The following EPHA3 variants were observed in gnomAD, a reference collection of about 807,000 sequenced individuals.
EPHA3 encodes the protein EPH receptor A3.
EPHA3 carries 42 observed loss-of-function variants against 107.1 expected under a neutral mutation model. The ratio of observed to expected loss-of-function variants is 0.39; its 90% confidence interval spans 0.31 to 0.51. The LOEUF (loss-of-function observed/expected upper bound fraction) is 0.51, where lower values mean the gene tolerates loss of function less well. Among genes scored for constraint, EPHA3 ranks in the 20% least tolerant of loss-of-function variants. EPHA3 has a pLI of 0.78. For synonymous variants in EPHA3, 461 were observed against 424.8 expected (o/e 1.09, Z -1.05); for missense variants, 1,183 against 1,211.2 (o/e 0.98, Z 0.35).
intron 13 of EPHA3, among the ~76,000 whole-genome samples, chr3:89,448,450 A>G (rs1709922120): frequency 1.3e-5 from 2 of 152,174 alleles, no homozygotes; most frequent in African/African-American, 4.8e-5. Context: ...TACTTCCTAT[A>G]TGGTTGACAA....
chr3:89,214,259 T>G (rs1704173833), intron 3 of EPHA3, among the ~76,000 whole-genome samples: 1 of 152,010 alleles, frequency 6.6e-6, no homozygotes, highest in Non-Finnish European at 1.5e-5. Context: ...AGCCTTAGTT[T>G]CTTCATCCAC....
intron 13 of EPHA3, among the ~76,000 whole-genome samples, chr3:89,437,146 G>A (rs554720153): frequency 8.8e-4 from 134 of 152,126 alleles, no homozygotes; most frequent in African/African-American, 2.9e-3. Context: ...ATACATGCTC[G>A]GATGACAGAT....
chr3:89,355,652 T>G (rs1372162210), intron 5 of EPHA3, among the ~76,000 whole-genome samples: 1 of 150,816 alleles, frequency 6.6e-6, no homozygotes, highest in African/African-American at 2.4e-5. Context: ...ATTGGTACAG[T>G]AAGTCCTACA....
intron 5 of EPHA3, among the ~76,000 whole-genome samples, chr3:89,390,593 C>T (rs886944096): frequency 8.2e-6 from 1 of 121,472 alleles, no homozygotes; most frequent in Non-Finnish European, 1.8e-5. Flanking sequence ...GAGCGAGACT[C>T]CGTTTCCAAA....
At chr3:89,479,368 G>A (rs750785329) in intron 16 of EPHA3, 29 bp from the exon 17 acceptor site, 28 of 1,581,762 alleles carry the variant, frequency 1.8e-5, no homozygotes, top group African/African-American at 2.7e-5. Context: ...CGAGGAAACC[G>A]ATTCTTATAT....
At position 89,431,373 on chromosome 3, in the gene EPHA3, A is replaced by AT; in HGVS notation, c.2346+18dup. 2 of 1,602,526 alleles carry AT rather than the reference A, an allele frequency of 1.2e-6. No homozygotes were observed. Among genetic ancestry groups the AT allele is most frequent in the Non-Finnish European group, 1.7e-6 (2 of 1,173,030 alleles). On this transcript the variant is annotated intron_variant, in intron 13 of 16. Coordinates refer to ENST00000336596, the MANE Select transcript of EPHA3 (RefSeq NM_005233.6). Reference sequence around the variant, plus strand: ...TATACAACAAGAGTGAGTAACTTAGATTTTCTCCTTTTTTATCATTGTTTT... The same window carrying AT: ...TATACAACAAGAGTGAGTAACTTAGATTTTTCTCCTTTTTTATCATTGTTTT...
At chr3:89,234,998 C>CTCTTT (rs1302100219) in intron 3 of EPHA3, among the ~76,000 whole-genome samples, 1 of 118,850 alleles carries the variant, frequency 8.4e-6, no homozygotes, top group African/African-American at 3.3e-5. Flanking sequence ...TTTCTTTTTT[C>CTCTTT]TCTTTTCTTT....
intron 2 of EPHA3, among the ~76,000 whole-genome samples, chr3:89,129,667 G>C (rs1462593749): frequency 6.7e-6 from 1 of 149,256 alleles, no homozygotes; most frequent in South Asian, 2.1e-4. Context: ...GTAAGTTTAG[G>C]TTTTGGATTT....
chr3:89,266,335 T>C lies in EPHA3; in HGVS notation c.814+55815T>C, dbSNP rs1705537598. On this transcript the variant is annotated intron_variant, in intron 3 of 16. Coordinates refer to ENST00000336596, the MANE Select transcript of EPHA3 (RefSeq NM_005233.6). ...TTCCTTACTCTTAATTACTACACCT[T>C]ACAGCCATCATGTTCATTGGAAACT... Among the ~76,000 whole-genome samples the C allele has an allele frequency of 2.0e-5, 3 of 152,162 alleles. No homozygotes were observed. The South Asian group carries it at 6.2e-4, about 31-fold the overall frequency.
At chr3:89,244,876 T>A (rs1704995252) in intron 3 of EPHA3, among the ~76,000 whole-genome samples, 2 of 152,206 alleles carry the variant, frequency 1.3e-5, no homozygotes, top group Non-Finnish European at 2.9e-5. Flanking sequence ...GTGACACATT[T>A]TCCTATGAAA....
At chr3:89,127,443 A>T (rs1382411539) in intron 2 of EPHA3, among the ~76,000 whole-genome samples, 170 bp downstream of exon 2, 1 of 151,992 alleles carries the variant, frequency 6.6e-6, no homozygotes, top group Non-Finnish European at 1.5e-5. Flanking sequence ...TGTCCAATGG[A>T]GCTAGTGAGA....
At chr3:89,242,174 A>G (rs1704911481) in intron 3 of EPHA3, among the ~76,000 whole-genome samples, 2 of 152,222 alleles carry the variant, frequency 1.3e-5, no homozygotes, top group South Asian at 4.1e-4. Context: ...AAATGATTGT[A>G]ATATGAGCTG....
chr3:89,166,047 G>A (rs1211380042), intron 2 of EPHA3, among the ~76,000 whole-genome samples: 1 of 152,122 alleles, frequency 6.6e-6, no homozygotes, highest in South Asian at 2.1e-4. Context: ...CAAATGAGTG[G>A]CAGGATTAAA....
At chr3:89,183,249 G>T (rs968263077) in intron 2 of EPHA3, among the ~76,000 whole-genome samples, 1 of 151,874 alleles carries the variant, frequency 6.6e-6, no homozygotes, top group Non-Finnish European at 1.5e-5. Context: ...AATTAAATAT[G>T]AATTTTAAAA....
At chr3:89,115,318 G>A (rs71322854) in intron 1 of EPHA3, among the ~76,000 whole-genome samples, 20,139 of 151,394 alleles carry the variant, frequency 0.13, 1,428 homozygotes, top group African/African-American at 0.19. Context: ...AGTAATTGCT[G>A]AGGGGATGTC....
intron 5 of EPHA3, among the ~76,000 whole-genome samples, chr3:89,389,402 T>C (rs1708682509): frequency 6.6e-6 from 1 of 152,204 alleles, no homozygotes; most frequent in Non-Finnish European, 1.5e-5. Context: ...ATTCACTGCA[T>C]ATATTTTCCC....
chr3:89,450,117 T>A, intron 14 of EPHA3, 60 bp from the exon 15 acceptor site: 1 of 1,422,488 alleles, frequency 7.0e-7, no homozygotes, highest in South Asian at 1.5e-5. Context: ...CATGAAAACG[T>A]AAACTAAGTG....
chr3:89,347,742 G>A (rs1056580802), intron 5 of EPHA3, among the ~76,000 whole-genome samples: 1 of 150,086 alleles, frequency 6.7e-6, no homozygotes, highest in African/African-American at 2.4e-5. Flanking sequence ...TATGATATTG[G>A]CTGTGGGTTT....
At chr3:89,328,115 AAAAAACAG>A (rs1707209081) in intron 3 of EPHA3, among the ~76,000 whole-genome samples, 1 of 152,126 alleles carries the variant, frequency 6.6e-6, no homozygotes, top group Non-Finnish European at 1.5e-5. Context: ...GAAAAAAAGA[AAAAAACAG>A]AAAAAACTCA....
Sources: allele counts gnomAD v4.1 joint callset (sites outside exome capture counted in the v4.1 genomes callset), GRCh38; gene constraint gnomAD v4.1.1; transcripts MANE v1.5; gene names NCBI Gene and HGNC (gene_info 2026-07-23, HGNC 2026-07-21).